The following BLNK variants were observed in gnomAD, a reference collection of about 807,000 sequenced individuals.
BLNK encodes B cell linker, also known as B-cell linker protein.
A neutral mutation model predicts 73.5 loss-of-function variants in BLNK; 29 were observed. The ratio of observed to expected loss-of-function variants is 0.39; its 90% confidence interval spans 0.29 to 0.54. BLNK has a LOEUF of 0.54. BLNK is among the 20% of genes least tolerant of loss of function. BLNK has a pLI of 0.61. For missense variants in BLNK, 460 were observed against 562.8 expected (o/e 0.82, Z 1.85); for synonymous variants, 176 against 200.8 (o/e 0.88, Z 1.04).
intron 9 of BLNK, among the ~76,000 whole-genome samples, chr10:96,209,621 G>C (rs1192065835): frequency 6.6e-6 from 1 of 152,128 alleles, no homozygotes; most frequent in Non-Finnish European, 1.5e-5. Flanking sequence ...TTGAACTCCT[G>C]GCTTCAAGTG....
At chr10:96,210,828 T>C (rs2083928120) in intron 8 of BLNK, among the ~76,000 whole-genome samples, 1 of 151,904 alleles carries the variant, frequency 6.6e-6, no homozygotes, top group African/African-American at 2.4e-5. Context: ...AAATGTTTTC[T>C]TAAGAACTTA....
At chr10:96,213,558 A>T (rs1346522148) in intron 8 of BLNK, among the ~76,000 whole-genome samples, 4 of 152,114 alleles carry the variant, frequency 2.6e-5, no homozygotes, top group Non-Finnish European at 4.4e-5. Flanking sequence ...ACCAAGAAGC[A>T]AGACCCGTGA....
Position 96,190,185 on chromosome 10 carries a change from AG to A in BLNK, c.*1787del. The A allele has an allele frequency of 1.2e-6, 1 of 800,528 alleles. No homozygotes were observed. The highest frequency in any genetic ancestry group is 2.2e-6 in the Non-Finnish European group (1 of 455,292). 49.6% of individuals were successfully genotyped at this position (800,528 alleles called of 1,614,324 possible). A position where few individuals can be genotyped will look rare whatever the true frequency, so the allele number is the denominator to read the frequency against. On this transcript the variant is annotated 3_prime_UTR_variant, in exon 17 of 17. Coordinates refer to ENST00000224337, the MANE Select transcript of BLNK (RefSeq NM_013314.4). The stretch of plus-strand genomic sequence containing the variant: ...AACTGAAAAGATAGTTCTGGGCCTC[AG>A]GGGGCTCACGTCCATGTCCATCGAA...
chr10:96,234,826 T>C (rs782276325), intron 3 of BLNK, among the ~76,000 whole-genome samples: 1 of 152,084 alleles, frequency 6.6e-6, no homozygotes, highest in Non-Finnish European at 1.5e-5. Flanking sequence ...TTGTAGTGAG[T>C]AAAATTTGGG....
Position 96,223,976 on chromosome 10 carries a change from G to C in BLNK, c.375C>G (p.Ser125Arg), listed in dbSNP as rs781812481. The C allele has an allele frequency of 9.3e-6, 15 of 1,612,816 alleles. No individual in the cohort carries two copies. Among genetic ancestry groups the C allele is most frequent in the African/African-American group, 1.3e-5 (1 of 74,864 alleles). The part of the protein sequence containing the change: ...ARGEYIDNRS[S>R]QRHSPPFSKT... The stretch of plus-strand genomic sequence containing the variant: ...TGCTGAAGGGTGGGGAATGCCTCTG[G>C]CTTGATCGATTGTCTTGAAAGGAAC... The change falls in exon 6 of 17, where the codon AGC (serine) becomes AGG (arginine). Residue 125 changes from serine (S) to arginine (R), a missense_variant. This residue lies in a region of BLNK where 139 missense variants were observed against 187.3 expected (regional missense o/e 0.74). Transcript: ENST00000224337.
In BLNK at chr10:96,204,672, A is replaced by G. The variant is rs1332687755; in HGVS notation, c.818-56T>C. On this transcript the variant is annotated intron_variant, in intron 11 of 16. Coordinates refer to ENST00000224337, the MANE Select transcript of BLNK (RefSeq NM_013314.4). Reference sequence around the variant, plus strand: ...AGAGTGAAATGTCTGTCCTCATCCCAAAACCCAGCAACATCAGCTGAGAAG... The same window carrying G: ...AGAGTGAAATGTCTGTCCTCATCCCGAAACCCAGCAACATCAGCTGAGAAG... 2.6e-6 allele frequency: 4 copies of G among 1,558,228 alleles called. No homozygotes were observed. In the African/African-American group the frequency reaches 5.4e-5, roughly 21 times the overall value.
At chr10:96,269,109 G>A (rs143627507) in intron 1 of BLNK, among the ~76,000 whole-genome samples, 50 of 152,262 alleles carry the variant, frequency 3.3e-4, no homozygotes, top group African/African-American at 9.4e-4. Flanking sequence ...AAAGTTCCAC[G>A]TCAACAGTAC....
chr10:96,204,423 GGA>G, intron 12 of BLNK, 107 bp downstream of exon 12: 5 of 1,248,258 alleles, frequency 4.0e-6, no homozygotes, highest in Non-Finnish European at 5.9e-6. Context: ...ATGAAATGTT[GGA>G]TTTTTACCTA....
intron 1 of BLNK, among the ~76,000 whole-genome samples, chr10:96,260,095 C>T (rs1445086088): frequency 6.6e-6 from 1 of 152,144 alleles, no homozygotes; most frequent in Non-Finnish European, 1.5e-5. Flanking sequence ...GCTTGCTGGA[C>T]TCTGCTCTCA....
In BLNK at chr10:96,223,842, C is replaced by T. The variant is rs1053275132; in HGVS notation, c.509G>A (p.Gly170Asp). ...TTACTTTACCTCATCCTCAAGGAGG[C>T]CTTTGGGTTTGGGTGGGACTTGAGG... ...QKPQVPPKPK[G>D]LLEDEADYVV... The change falls in exon 6 of 17, where the codon GGC becomes GAC. Residue 170 changes from glycine to aspartate, a missense_variant. Coordinates refer to ENST00000224337, the MANE Select transcript of BLNK (RefSeq NM_013314.4). 1.2e-6 allele frequency: 2 copies of T among 1,613,704 alleles called. No individual in the cohort carries two copies. The highest frequency in any genetic ancestry group is 2.7e-5 in the African/African-American group (2 of 74,880).
rs1463972550 is a variant in BLNK at position 96,190,197 on chromosome 10, T to C, written c.*1776A>G. On this transcript the variant is annotated 3_prime_UTR_variant, in exon 17 of 17. Transcript: ENST00000224337. ...AGTTCTGGGCCTCAGGGGGCTCACG[T>C]CCATGTCCATCGAATCTTCCATCAG... 6 of 778,676 alleles carry C rather than the reference T, an allele frequency of 7.7e-6. No individual in the cohort carries two copies. The highest frequency in any genetic ancestry group is 1.4e-5 in the Non-Finnish European group (6 of 435,640). The allele number at this position is 778,676 out of a possible 1,614,324, so 48.2% of individuals were successfully genotyped here.
chr10:96,226,522 G>C (rs1049103483), intron 5 of BLNK, among the ~76,000 whole-genome samples: 1 of 152,170 alleles, frequency 6.6e-6, no homozygotes, highest in Non-Finnish European at 1.5e-5. Context: ...CACCTGCCAA[G>C]ACTGGAACAA....
At position 96,204,535 on chromosome 10, in the gene BLNK, T is replaced by A. The variant is rs782108583; in HGVS notation, c.899A>T (p.Gln300Leu). 6.2e-7 allele frequency: 1 copy of A among 1,614,014 alleles called. No individual in the cohort carries two copies. The stretch of plus-strand genomic sequence containing the variant: ...CTTTAAAGGAAAGGATTCTTACTTC[T>A]GGGCAGGAGGAAACACTGGTGACTG... ...AVQSPVFPPA[Q>L]KQIHQKPIPL... Residue 300 changes from glutamine (Q) to leucine (L), a missense_variant, in exon 12 of 17, where the codon CAG (glutamine) becomes CTG (leucine). Gln to Leu is a moderately radical substitution (Grantham distance 113). Coordinates refer to ENST00000224337, the MANE Select transcript of BLNK (RefSeq NM_013314.4).
intron 1 of BLNK, among the ~76,000 whole-genome samples, chr10:96,269,451 G>A (rs781821616): frequency 2.0e-5 from 3 of 151,156 alleles, no homozygotes; most frequent in Non-Finnish European, 4.4e-5. Flanking sequence ...GAATCCTCCT[G>A]TTCATTCAGA....
At chr10:96,266,757 G>C (rs114699814) in intron 1 of BLNK, among the ~76,000 whole-genome samples, 3,006 of 152,292 alleles carry the variant, frequency 0.02, 94 homozygotes, top group African/African-American at 0.068. Flanking sequence ...CTCCCCTGAA[G>C]TTTGCCACCC....
At position 96,260,566 on chromosome 10, in the gene BLNK, G is replaced by GAT. The variant is rs1483326955; in HGVS notation, c.47+10784_47+10785dup. 9.9e-5 allele frequency among the ~76,000 whole-genome samples: 15 copies of GAT among 152,138 alleles called. No individual in the cohort carries two copies. In the South Asian group the frequency reaches 1.0e-3, roughly 11 times the overall value. ...AACTTTGGCTATATCTACATGGCAT[G>GAT]ATATATATATAGTATTGTCATCTAC... On this transcript the variant is annotated intron_variant, in intron 1 of 16. Coordinates refer to ENST00000224337, the MANE Select transcript of BLNK (RefSeq NM_013314.4).
chr10:96,254,234 G>A (rs1213268622), intron 1 of BLNK, among the ~76,000 whole-genome samples: 1 of 152,230 alleles, frequency 6.6e-6, no homozygotes, highest in East Asian at 1.9e-4. Flanking sequence ...GCTTACCCAG[G>A]CATTCTCCCC....
At chr10:96,216,385 G>A (rs2084065957) in intron 7 of BLNK, 1 of 495,150 alleles carries the variant, frequency 2.0e-6, no homozygotes, top group Admixed American at 3.3e-5. Flanking sequence ...GGCAGCTGAA[G>A]AGAACTACCC....
chr10:96,236,320 G>A (rs781983379), intron 3 of BLNK, among the ~76,000 whole-genome samples: 7 of 152,160 alleles, frequency 4.6e-5, no homozygotes, highest in Admixed American at 6.5e-5. Flanking sequence ...CAGAAGGAAG[G>A]AAAGAGGGAG....
Sources: allele counts gnomAD v4.1 joint callset (sites outside exome capture counted in the v4.1 genomes callset), GRCh38; gene constraint gnomAD v4.1.1; regional missense constraint gnomAD v4.1.1; transcripts MANE v1.5; gene names NCBI Gene and HGNC (gene_info 2026-07-23, HGNC 2026-07-21).